Variants in MAP1LC3B observed in about 807,000 individuals in gnomAD.
MAP1LC3B encodes microtubule associated protein 1 light chain 3 beta, also known as microtubule-associated protein 1 light chain 3 beta.
Under a neutral mutation model 16.7 loss-of-function variants are expected in MAP1LC3B, and 12 were observed. The observed-to-expected ratio is 0.72, with a 90% CI of 0.46 to 1.16. MAP1LC3B has a LOEUF of 1.16. MAP1LC3B is among the 50% of genes most tolerant of loss of function. The pLI is 0.00. For synonymous variants in MAP1LC3B, 63 were observed against 56.5 expected (o/e 1.11, Z -0.51); for missense variants, 155 against 159.5 (o/e 0.97, Z 0.15).
At chr16:87,396,336 G>A (rs184983115) in intron 1 of MAP1LC3B, among the ~76,000 whole-genome samples, 8 of 151,820 alleles carry the variant, frequency 5.3e-5, no homozygotes, top group Non-Finnish European at 1.2e-4. Context: ...TTAGCCGGGC[G>A]TGGTGGCGGG....
chr16:87,396,454 G>T (rs1907809707), intron 1 of MAP1LC3B, among the ~76,000 whole-genome samples: 1 of 149,262 alleles, frequency 6.7e-6, no homozygotes, highest in Non-Finnish European at 1.5e-5. Flanking sequence ...CAGCCTGAGT[G>T]ACAGAGCAAG....
At chr16:87,394,488 G>A (rs903836554) in intron 1 of MAP1LC3B, among the ~76,000 whole-genome samples, 1 of 152,188 alleles carries the variant, frequency 6.6e-6, no homozygotes, top group African/African-American at 2.4e-5. Flanking sequence ...ATATAGCTCT[G>A]CTGATAAACT....
intron 2 of MAP1LC3B, 136 bp from the exon 3 acceptor site, chr16:87,402,039 G>A: frequency 1.4e-6 from 1 of 689,884 alleles, no homozygotes; most frequent in East Asian, 2.8e-5. Flanking sequence ...GTTTCACCAT[G>A]TTAGCCAGGG....
intron 2 of MAP1LC3B, 146 bp from the exon 3 acceptor site, chr16:87,402,029 G>A (rs933930671): frequency 6.2e-6 from 4 of 640,764 alleles, no homozygotes; most frequent in African/African-American, 5.6e-5. Flanking sequence ...TAGAGATGGG[G>A]TTTCACCATG....
chr16:87,394,611 G>C (rs1270962747), intron 1 of MAP1LC3B, among the ~76,000 whole-genome samples: 4 of 152,190 alleles, frequency 2.6e-5, no homozygotes, highest in African/African-American at 7.2e-5. Flanking sequence ...TGAAGATCAT[G>C]GTCCACCTAG....
chr16:87,401,645 C>G (rs1290764431), intron 2 of MAP1LC3B, among the ~76,000 whole-genome samples: 1 of 151,986 alleles, frequency 6.6e-6, no homozygotes, highest in Non-Finnish European at 1.5e-5. Context: ...CTTGTCTCAG[C>G]CTCCCGAGTA....
chr16:87,392,513 G>C (rs1243180978), intron 1 of MAP1LC3B, 46 bp downstream of exon 1: 2 of 1,280,642 alleles, frequency 1.6e-6, no homozygotes, highest in African/African-American at 3.1e-5. Flanking sequence ...GCCGGGGTCC[G>C]AGCTGTGGAG....
intron 1 of MAP1LC3B, among the ~76,000 whole-genome samples, chr16:87,394,409 A>C (rs1907727503): frequency 6.6e-6 from 1 of 152,242 alleles, no homozygotes; most frequent in South Asian, 2.1e-4. Context: ...TATGGAGCCT[A>C]AGATAAGCCC....
chr16:87,398,768 A>G, intron 1 of MAP1LC3B, 47 bp from the exon 2 acceptor site: 1 of 1,572,794 alleles, frequency 6.4e-7, no homozygotes, highest in Non-Finnish European at 8.8e-7. Context: ...GCTGGGAAGA[A>G]GCTGCCTGGC....
At chr16:87,401,682 A>G (rs944418003) in intron 2 of MAP1LC3B, among the ~76,000 whole-genome samples, 1 of 152,050 alleles carries the variant, frequency 6.6e-6, no homozygotes, top group Non-Finnish European at 1.5e-5. Context: ...GGCACCTGCC[A>G]CCACACCTGG....
Position 87,392,426 on chromosome 16 carries a change from C to G in MAP1LC3B, c.-2C>G. 7.0e-7 allele frequency: 1 copy of G among 1,422,920 alleles called. No homozygotes were observed. The highest frequency in any genetic ancestry group is 1.4e-5 in the South Asian group (1 of 69,586). 88.1% of individuals were successfully genotyped at this position (1,422,920 alleles called of 1,614,324 possible). A position where few individuals can be genotyped will look rare whatever the true frequency, so the allele number is the denominator to read the frequency against. ...CGCCGCCGCCGCCCAGATCCCTGCA[C>G]CATGCCGTCGGAGAAGACCTTCAAG... On this transcript the variant is annotated 5_prime_UTR_variant, in exon 1 of 4. Coordinates refer to ENST00000268607, the MANE Select transcript of MAP1LC3B (RefSeq NM_022818.5).
intron 2 of MAP1LC3B, 88 bp downstream of exon 2, chr16:87,398,958 G>C (rs539193909): frequency 1.7e-6 from 2 of 1,170,672 alleles, no homozygotes; most frequent in Non-Finnish European, 2.6e-6. Flanking sequence ...GTTTTTACAG[G>C]AATCACCAGA....
chr16:87,402,670 CTTATA>C (rs1234291949), intron 3 of MAP1LC3B: 10 of 568,900 alleles, frequency 1.8e-5, no homozygotes, highest in Non-Finnish European at 2.7e-5. Flanking sequence ...GAACTGCTTT[CTTATA>C]TTAGACAGTT....
At chr16:87,397,223 A>G (rs1214350860) in intron 1 of MAP1LC3B, among the ~76,000 whole-genome samples, 4 of 152,254 alleles carry the variant, frequency 2.6e-5, no homozygotes, top group East Asian at 3.8e-4. Flanking sequence ...ATATTTAGCA[A>G]TGTATCTTAG....
intron 3 of MAP1LC3B, chr16:87,402,498 C>G: frequency 1.8e-6 from 1 of 570,414 alleles, no homozygotes; most frequent in Non-Finnish European, 3.0e-6. Context: ...CTGCAGAGCC[C>G]GTTTCTTTCA....
At chr16:87,392,788 C>A (rs1174358942) in intron 1 of MAP1LC3B, 1 of 154,214 alleles carries the variant, frequency 6.5e-6, no homozygotes, top group Non-Finnish European at 1.4e-5. Context: ...CACCCCGCGC[C>A]CTCCGCGGCG....
chr16:87,401,506 C>T (rs1385287884), intron 2 of MAP1LC3B, among the ~76,000 whole-genome samples: 1 of 152,182 alleles, frequency 6.6e-6, no homozygotes, highest in East Asian at 1.9e-4. Context: ...CTGTAGGAGG[C>T]ATTTTGTATA....
chr16:87,399,051 G>A, intron 2 of MAP1LC3B, 181 bp downstream of exon 2: 2 of 595,264 alleles, frequency 3.4e-6, no homozygotes, highest in Non-Finnish European at 6.0e-6. Context: ...TCTTTCCCAG[G>A]CTGGAGTGCA....
In MAP1LC3B at chr16:87,402,944, T is replaced by TAATC. The variant is rs1374107587; in HGVS notation, c.227_230dup (p.Ala78SerfsTer24). ...ATAGAAGGCGCTTACAGCTCAATGC[T>TAATC]AATCAGGCCTTCTTCCTGTTGGTGA... On this transcript the variant is annotated frameshift_variant, in exon 4 of 4. Coordinates refer to ENST00000268607, the MANE Select transcript of MAP1LC3B (RefSeq NM_022818.5). LOFTEE classifies it high-confidence loss of function. 1 of 1,613,898 alleles carries TAATC rather than the reference T, an allele frequency of 6.2e-7. No individual in the cohort carries two copies. Among genetic ancestry groups the TAATC allele is most frequent in the Non-Finnish European group, 8.5e-7 (1 of 1,179,884 alleles).
Sources: allele counts gnomAD v4.1 joint callset (sites outside exome capture counted in the v4.1 genomes callset), GRCh38; gene constraint gnomAD v4.1.1; transcripts MANE v1.5; gene names NCBI Gene and HGNC (gene_info 2026-07-23, HGNC 2026-07-21).